VWA8: variants seen among roughly 807,000 people sequenced by gnomAD.
VWA8 encodes the protein von Willebrand factor A domain containing 8, also known as von Willebrand factor A domain-containing protein 8.
In VWA8, 221 loss-of-function variants were observed where a neutral mutation model predicts 241.5. The ratio of observed to expected loss-of-function variants is 0.91; its 90% confidence interval spans 0.82 to 1.02. The LOEUF (loss-of-function observed/expected upper bound fraction) is 1.02. Among genes scored for constraint, VWA8 ranks in the 50% least tolerant of loss-of-function variants. The pLI is 0.00. For synonymous variants in VWA8, 852 were observed against 827.1 expected (o/e 1.03, Z -0.52); for missense variants, 2,322 against 2,328.7 (o/e 1.00, Z 0.06).
chr13:41,752,906 G>A (rs886142079), intron 21 of VWA8, among the ~76,000 whole-genome samples: 35 of 152,114 alleles, frequency 2.3e-4, no homozygotes, highest in African/African-American at 8.4e-4. Flanking sequence ...TAAAACCCAC[G>A]CCCTTTCTAT....
chr13:41,800,047 C>T (rs901269736), intron 17 of VWA8, among the ~76,000 whole-genome samples: 1 of 152,162 alleles, frequency 6.6e-6, no homozygotes, highest in African/African-American at 2.4e-5. Context: ...AATATGTGGT[C>T]CTATGTATCT....
At chr13:41,904,383 A>G (rs1370826221) in intron 4 of VWA8, among the ~76,000 whole-genome samples, 7 of 152,130 alleles carry the variant, frequency 4.6e-5, no homozygotes. Context: ...TTCTTTCACC[A>G]TTATTTAAAT....
intron 13 of VWA8, among the ~76,000 whole-genome samples, chr13:41,832,599 C>T (rs558336025): frequency 1.1e-3 from 170 of 152,028 alleles, no homozygotes; most frequent in African/African-American, 3.8e-3. Flanking sequence ...TGGATAATGG[C>T]TTATTCTACT....
intron 26 of VWA8, among the ~76,000 whole-genome samples, chr13:41,704,569 C>T (rs1256866300): frequency 2.0e-5 from 3 of 151,702 alleles, no homozygotes; most frequent in African/African-American, 7.3e-5. Flanking sequence ...ACTCATGATC[C>T]TCCCACCTCA....
intron 19 of VWA8, among the ~76,000 whole-genome samples, chr13:41,781,061 C>T (rs1393043048): frequency 6.6e-6 from 1 of 152,206 alleles, no homozygotes; most frequent in Non-Finnish European, 1.5e-5. Flanking sequence ...AACCACCTAA[C>T]TAGTTTCTCT....
intron 37 of VWA8, among the ~76,000 whole-genome samples, chr13:41,646,372 G>A (rs1266158857): frequency 3.3e-5 from 5 of 152,208 alleles, no homozygotes; most frequent in Non-Finnish European, 5.9e-5. Flanking sequence ...TGACGACCAC[G>A]TGCCGGTGCC....
At chr13:41,931,279 TAAA>T (rs67470859) in intron 2 of VWA8, among the ~76,000 whole-genome samples, 7,075 of 90,116 alleles carry the variant, frequency 0.079, 310 homozygotes, top group African/African-American at 0.16. Flanking sequence ...GACCCAGGGT[TAAA>T]AAAAAAAAAA....
chr13:41,888,981 TTC>T (rs1874686619), intron 5 of VWA8, among the ~76,000 whole-genome samples: 2 of 152,184 alleles, frequency 1.3e-5, no homozygotes, highest in Admixed American at 6.5e-5. Flanking sequence ...GACTAAATAT[TTC>T]TCTTTTTCAT....
In VWA8 at chr13:41,697,865, A is replaced by G. The variant is rs185599432; in HGVS notation, c.3564+1206T>C. Among the ~76,000 whole-genome samples the G allele has an allele frequency of 5.6e-4, 85 of 152,122 alleles. No homozygotes were observed. The East Asian group carries it at 7.6e-3, about 14-fold the overall frequency. On this transcript the variant is annotated intron_variant, in intron 29 of 44. Coordinates refer to ENST00000379310, the MANE Select transcript of VWA8 (RefSeq NM_015058.2). ...TTGCCCCTACTCCAACCCACAGTGT[A>G]ACCTCTTTATCTCACCTCCTCCTAC...
intron 41 of VWA8, among the ~76,000 whole-genome samples, chr13:41,587,979 A>G (rs1267886039): frequency 6.6e-6 from 1 of 152,226 alleles, no homozygotes; most frequent in Non-Finnish European, 1.5e-5. Flanking sequence ...AAATAATATG[A>G]TGACTTAAAA....
intron 37 of VWA8, among the ~76,000 whole-genome samples, chr13:41,634,688 C>T (rs1053751103): frequency 1.3e-5 from 2 of 150,418 alleles, no homozygotes; most frequent in Non-Finnish European, 2.9e-5. Context: ...TCTGCACATT[C>T]GTTTCTTCAT....
intron 17 of VWA8, among the ~76,000 whole-genome samples, chr13:41,803,578 T>C (rs1043264065): frequency 6.6e-6 from 1 of 152,154 alleles, no homozygotes. Context: ...CCAGTTCTCA[T>C]GAGACTTATT....
At chr13:41,657,585 G>A (rs2044916631) in intron 37 of VWA8, among the ~76,000 whole-genome samples, 1 of 151,610 alleles carries the variant, frequency 6.6e-6, no homozygotes, top group Non-Finnish European at 1.5e-5. Flanking sequence ...CGCTTCCCGG[G>A]TTCACGCCAT....
intron 2 of VWA8, among the ~76,000 whole-genome samples, chr13:41,932,717 A>C (rs190395072): frequency 2.8e-4 from 42 of 152,068 alleles, no homozygotes; most frequent in East Asian, 1.5e-3. Flanking sequence ...AGAAAAAAAA[A>C]CACAAGATCA....
At chr13:41,640,001 C>T (rs1307394277) in intron 37 of VWA8, among the ~76,000 whole-genome samples, 1 of 152,062 alleles carries the variant, frequency 6.6e-6, no homozygotes, top group East Asian at 1.9e-4. Flanking sequence ...GGGTGGGCCA[C>T]GCTTGGAAGC....
In VWA8 at chr13:41,632,975, G is replaced by A. The variant is rs190415058; in HGVS notation, c.4612-17891C>T. Among the ~76,000 whole-genome samples, 27 of 152,246 alleles carry A rather than the reference G, an allele frequency of 1.8e-4. No homozygotes were observed. In the East Asian group the frequency reaches 4.8e-3, roughly 27 times the overall value. On this transcript the variant is annotated intron_variant, in intron 37 of 44. Coordinates refer to ENST00000379310, the MANE Select transcript of VWA8 (RefSeq NM_015058.2). ...TCAGGAGCGGGTAACACATCACTCC[G>A]TAGCTAAGGGCATTTGTGGTTTTGG...
At chr13:41,793,024 A>G (rs1869526521) in intron 17 of VWA8, among the ~76,000 whole-genome samples, 1 of 152,152 alleles carries the variant, frequency 6.6e-6, no homozygotes, top group East Asian at 1.9e-4. Flanking sequence ...AAGTGCTGAA[A>G]GATATTCTTG....
At chr13:41,756,745 A>G (rs1044964597) in intron 21 of VWA8, among the ~76,000 whole-genome samples, 2 of 151,708 alleles carry the variant, frequency 1.3e-5, no homozygotes, top group African/African-American at 4.8e-5. Context: ...TTTAAGAAAA[A>G]AAGTTTTTTC....
At chr13:41,662,268 G>T (rs560559552) in intron 37 of VWA8, among the ~76,000 whole-genome samples, 1 of 152,166 alleles carries the variant, frequency 6.6e-6, no homozygotes, top group South Asian at 2.1e-4. Flanking sequence ...TCTAATCCAT[G>T]AACTCAGTAT....
Sources: allele counts gnomAD v4.1 joint callset (sites outside exome capture counted in the v4.1 genomes callset), GRCh38; gene constraint gnomAD v4.1.1; transcripts MANE v1.5; gene names NCBI Gene and HGNC (gene_info 2026-07-23, HGNC 2026-07-21).